Variants in COL25A1 observed in about 807,000 individuals in gnomAD.
COL25A1 encodes collagen type XXV alpha 1 chain, also known as collagen alpha-1(XXV) chain.
Under a neutral mutation model 128.4 loss-of-function variants are expected in COL25A1, and 103 were observed. The ratio of observed to expected loss-of-function variants is 0.80; its 90% CI spans 0.68 to 0.94. The LOEUF is 0.94. Ranked by LOEUF, COL25A1 falls within the 40% of genes least tolerant of loss-of-function variation. The probability of loss-of-function intolerance (pLI) is 0.00; values close to 1 mark genes in which losing one functional copy is unlikely to be tolerated. For missense variants in COL25A1, 745 were observed against 840.0 expected, an observed-to-expected ratio of 0.89 and a Z score of 1.40; for synonymous variants, 279 against 277.2, an observed-to-expected ratio of 1.01 and a Z score of -0.06.
chr4:109,153,785 T>C (rs1343594647), intron 3 of COL25A1, among the ~76,000 whole-genome samples: 1 of 152,206 alleles, frequency 6.6e-6, no homozygotes, highest in African/African-American at 2.4e-5. Context: ...AAAAATAAGA[T>C]TTTTTATTAA....
intron 11 of COL25A1, 112 bp from the exon 12 acceptor site, chr4:108,920,716 GAC>G (rs1434137973): frequency 1.6e-6 from 1 of 625,720 alleles, no homozygotes; most frequent in African/African-American, 2.0e-5. Context: ...GAAATATGTT[GAC>G]ATTTCATATA....
At chr4:109,177,099 G>A (rs1279860097) in intron 3 of COL25A1, among the ~76,000 whole-genome samples, 1 of 152,178 alleles carries the variant, frequency 6.6e-6, no homozygotes, top group African/African-American at 2.4e-5. Context: ...ATAGCAGGAA[G>A]GAATATGCAA....
At chr4:108,819,849 T>C in intron 35 of COL25A1, 1 of 1,231,884 alleles carries the variant, frequency 8.1e-7, no homozygotes, top group Non-Finnish European at 1.0e-6. Flanking sequence ...AGCACCCTGT[T>C]CTCCTTTCTC....
intron 3 of COL25A1, among the ~76,000 whole-genome samples, chr4:109,079,108 T>A (rs1236477127): frequency 6.6e-6 from 1 of 152,010 alleles, no homozygotes; most frequent in African/African-American, 2.4e-5. Flanking sequence ...AGAAGGGGAG[T>A]GAAAGAATGG....
chr4:108,888,541 C>T (rs1206233666), intron 18 of COL25A1, among the ~76,000 whole-genome samples: 1 of 152,130 alleles, frequency 6.6e-6, no homozygotes, highest in Non-Finnish European at 1.5e-5. Context: ...CTGTTTCAGA[C>T]TCAAATGAGA....
chr4:109,143,155 T>C (rs1415340837), intron 3 of COL25A1, among the ~76,000 whole-genome samples: 1 of 152,186 alleles, frequency 6.6e-6, no homozygotes, highest in East Asian at 1.9e-4. Flanking sequence ...TATTTCTCTT[T>C]GCTTATGAAG....
intron 3 of COL25A1, among the ~76,000 whole-genome samples, chr4:109,095,669 C>T (rs1560683699): frequency 1.3e-5 from 2 of 152,110 alleles, no homozygotes; most frequent in Admixed American, 6.6e-5. Flanking sequence ...ATCAGCTGCC[C>T]GTCTGAAAAG....
intron 13 of COL25A1, among the ~76,000 whole-genome samples, chr4:108,911,583 T>C (rs1440341241): frequency 6.6e-6 from 1 of 152,204 alleles, no homozygotes; most frequent in East Asian, 1.9e-4. Flanking sequence ...AAATAAATAT[T>C]TGTTCAATGA....
chr4:108,906,929 C>A (rs749502157), intron 13 of COL25A1, among the ~76,000 whole-genome samples: 14 of 152,016 alleles, frequency 9.2e-5, no homozygotes, highest in Non-Finnish European at 1.6e-4. Flanking sequence ...CTGAACAGGC[C>A]AGGTAGAAAA....
At chr4:109,051,193 A>C (rs1219692135) in intron 3 of COL25A1, among the ~76,000 whole-genome samples, 4 of 152,198 alleles carry the variant, frequency 2.6e-5, no homozygotes, top group Admixed American at 2.6e-4. Flanking sequence ...AACTTTAGAA[A>C]GTTCAAGACA....
chr4:109,280,595 AG>A (rs1311498391), intron 3 of COL25A1, among the ~76,000 whole-genome samples: 1 of 152,150 alleles, frequency 6.6e-6, no homozygotes, highest in Admixed American at 6.5e-5. Context: ...TTATTTTCTT[AG>A]GTATGATTAT....
chr4:109,126,299 CT>C (rs1324753234), intron 3 of COL25A1, among the ~76,000 whole-genome samples: 10 of 152,064 alleles, frequency 6.6e-5, no homozygotes, highest in Non-Finnish European at 1.0e-4. Context: ...TATATAACTT[CT>C]TTTAAATCGA....
chr4:109,102,191 T>G (rs1765956281), intron 3 of COL25A1, among the ~76,000 whole-genome samples: 1 of 152,170 alleles, frequency 6.6e-6, no homozygotes, highest in Non-Finnish European at 1.5e-5. Context: ...CACATGTATT[T>G]TACATGTAAA....
chr4:109,232,195 A>T (rs1779205863), intron 3 of COL25A1, among the ~76,000 whole-genome samples: 1 of 152,216 alleles, frequency 6.6e-6, no homozygotes, highest in East Asian at 1.9e-4. Context: ...AAGCCACACC[A>T]TGAACAGGAG....
chr4:108,889,318 A>G, intron 17 of COL25A1, 62 bp from the exon 18 acceptor site: 1 of 1,511,960 alleles, frequency 6.6e-7, no homozygotes, highest in Non-Finnish European at 9.2e-7. Context: ...AAACACTTAG[A>G]CCTCTGGGCA....
At chr4:108,847,799 A>G (rs1735289146) in intron 27 of COL25A1, among the ~76,000 whole-genome samples, 1 of 152,176 alleles carries the variant, frequency 6.6e-6, no homozygotes, top group Non-Finnish European at 1.5e-5. Flanking sequence ...TTATTATTTC[A>G]GCATATAACT....
At chr4:108,861,940 G>A (rs1185803000) in intron 22 of COL25A1, among the ~76,000 whole-genome samples, 1 of 152,088 alleles carries the variant, frequency 6.6e-6, no homozygotes, top group Non-Finnish European at 1.5e-5. Context: ...TATGAATGAA[G>A]CATTAATAAT....
intron 3 of COL25A1, among the ~76,000 whole-genome samples, chr4:109,228,134 A>G (rs1778926866): frequency 6.6e-6 from 1 of 152,138 alleles, no homozygotes; most frequent in African/African-American, 2.4e-5. Flanking sequence ...GACCCCTGCC[A>G]TTTGGATGGT....
chr4:108,930,753 C>G (rs939998588), intron 11 of COL25A1, among the ~76,000 whole-genome samples: 2 of 152,184 alleles, frequency 1.3e-5, no homozygotes, highest in African/African-American at 4.8e-5. Context: ...TCCAAGTCAT[C>G]ATGAGAATAT....
Sources: allele counts gnomAD v4.1 joint callset (sites outside exome capture counted in the v4.1 genomes callset), GRCh38; gene constraint gnomAD v4.1.1; transcripts MANE v1.5; gene names NCBI Gene and HGNC (gene_info 2026-07-23, HGNC 2026-07-21).